The following ICA1L variants were observed in gnomAD, a reference collection of about 807,000 sequenced individuals.
The protein encoded by ICA1L is islet cell autoantigen 1 like, also known as islet cell autoantigen 1-like protein.
Under a neutral mutation model 61.3 loss-of-function variants are expected in ICA1L, and 50 were observed. The ratio of observed to expected loss-of-function variants is 0.82; its 90% CI spans 0.65 to 1.03. The LOEUF (loss-of-function observed/expected upper bound fraction) is 1.03, where lower values mean the gene tolerates loss of function less well. Ranked by LOEUF, ICA1L falls within the 50% of genes least tolerant of loss-of-function variation. ICA1L has a pLI of 0.00. For missense variants in ICA1L, 508 were observed against 556.7 expected, an observed-to-expected ratio of 0.91 and a Z score of 0.88; for synonymous variants, 161 against 191.3, an observed-to-expected ratio of 0.84 and a Z score of 1.31.
intron 1 of ICA1L, chr2:202,841,644 T>A: frequency 1.7e-6 from 1 of 597,938 alleles, no homozygotes; most frequent in Non-Finnish European, 3.2e-6. Context: ...AAGATGCTGC[T>A]GCCCACTCGG....
intron 3 of ICA1L, among the ~76,000 whole-genome samples, chr2:202,825,124 A>G (rs1265652803): frequency 6.6e-6 from 1 of 152,218 alleles, no homozygotes; most frequent in Admixed American, 6.5e-5. Flanking sequence ...CTGCAAGGGC[A>G]AGTGGGAGTC....
At chr2:202,868,969 A>AAACAAC (rs371799768) in intron 1 of ICA1L, among the ~76,000 whole-genome samples, 2 of 151,676 alleles carry the variant, frequency 1.3e-5, no homozygotes, top group African/African-American at 2.4e-5. Flanking sequence ...CTCTGTCTCA[A>AAACAAC]AACAACAACA....
At chr2:202,835,215 C>CTTTTTTTT (rs544503963) in intron 1 of ICA1L, among the ~76,000 whole-genome samples, 1 of 120,658 alleles carries the variant, frequency 8.3e-6, no homozygotes, top group African/African-American at 3.2e-5. Flanking sequence ...TGATTTCTTC[C>CTTTTTTTT]TTTTTTTTTT....
At chr2:202,833,768 T>C (rs1694074571) in intron 1 of ICA1L, among the ~76,000 whole-genome samples, 1 of 152,206 alleles carries the variant, frequency 6.6e-6, no homozygotes, top group Non-Finnish European at 1.5e-5. Flanking sequence ...GGAATACTAT[T>C]CAGCCTTTAA....
Position 202,775,570 on chromosome 2 carries a change from A to C in ICA1L, c.*3963T>G, listed in dbSNP as rs1381552623. 6.6e-6 allele frequency: 1 copy of C among 152,276 alleles called. No homozygotes were observed. Among genetic ancestry groups the C allele is most frequent in the African/African-American group, 2.4e-5 (1 of 41,472 alleles). The allele number at this position is 152,276 out of a possible 1,614,324, so 9.4% of individuals were successfully genotyped here. ...AGTCTCACTCTGTCACCCAGGCTGG[A>C]GTGCATGGCCTGATCTCAGCTCACT... On this transcript the variant is annotated 3_prime_UTR_variant, in exon 13 of 13. Coordinates refer to ENST00000358299, the MANE Select transcript of ICA1L (RefSeq NM_001288622.3).
intron 1 of ICA1L, among the ~76,000 whole-genome samples, chr2:202,850,277 G>A (rs189290983): frequency 3.4e-4 from 52 of 152,226 alleles, no homozygotes; most frequent in African/African-American, 9.4e-4. Flanking sequence ...AAAACTGGAC[G>A]GAGAATGAGT....
intron 1 of ICA1L, chr2:202,829,267 G>A: frequency 4.7e-6 from 1 of 214,002 alleles, no homozygotes; most frequent in Non-Finnish European, 9.2e-6. Context: ...AGAGAATGGC[G>A]TGAACCCGGG....
intron 1 of ICA1L, among the ~76,000 whole-genome samples, chr2:202,868,063 AG>A (rs1333085860): frequency 1.3e-5 from 2 of 152,184 alleles, no homozygotes; most frequent in African/African-American, 2.4e-5. Context: ...GTGATGAAAA[AG>A]TTTTCAAACT....
rs1408283343 is a variant in ICA1L, at chr2:202,776,956, TGAGG to T, written c.*2573_*2576del. The stretch of plus-strand genomic sequence containing the variant: ...TAACAGGGACTTCCTTGCACACATG[TGAGG>T]GAGATAAATATCTCAGAACTAATGC... On this transcript the variant is annotated 3_prime_UTR_variant, in exon 13 of 13. Coordinates refer to ENST00000358299, the MANE Select transcript of ICA1L (RefSeq NM_001288622.3). 6.6e-6 allele frequency: 1 copy of T among 150,828 alleles called. No individual in the cohort carries two copies. Among genetic ancestry groups the T allele is most frequent in the Non-Finnish European group, 1.5e-5 (1 of 67,948 alleles). 9.3% of individuals were successfully genotyped at this position (150,828 alleles called of 1,614,324 possible).
chr2:202,832,941 T>C (rs1372025686), intron 1 of ICA1L, among the ~76,000 whole-genome samples: 1 of 151,826 alleles, frequency 6.6e-6, no homozygotes, highest in Non-Finnish European at 1.5e-5. Flanking sequence ...GATAGAAAAA[T>C]ATTCAAATAA....
intron 1 of ICA1L, among the ~76,000 whole-genome samples, chr2:202,864,840 G>A (rs1380742438): frequency 6.6e-6 from 1 of 152,010 alleles, no homozygotes; most frequent in Admixed American, 6.5e-5. Context: ...CCAACATGGT[G>A]AAACTCCATC....
chr2:202,787,479 C>T (rs959086921), intron 11 of ICA1L, among the ~76,000 whole-genome samples: 5 of 152,204 alleles, frequency 3.3e-5, no homozygotes, highest in Admixed American at 6.5e-5. Context: ...GTAGCAAAAA[C>T]ATCTGAATTA....
Position 202,817,473 on chromosome 2 carries a change from T to C in ICA1L, c.629A>G (p.Asp210Gly). 5 of 1,612,064 alleles carry C rather than the reference T, an allele frequency of 3.1e-6. No homozygotes were observed. Among genetic ancestry groups the C allele is most frequent in the Non-Finnish European group, 4.2e-6 (5 of 1,178,734 alleles). ...KLKMDVCQKV[D>G]LLGASRCNML... is the part of the protein sequence containing the mutation. Reference sequence around the variant, plus strand: ...ATTGCAGCGACTAGCTCCAAGTAAATCCACTTTCTGACAAACATCCATCTT... The same window carrying C: ...ATTGCAGCGACTAGCTCCAAGTAAACCCACTTTCTGACAAACATCCATCTT... The change falls in exon 6 of 13, where the codon GAT becomes GGT. Residue 210 changes from aspartate (D) to glycine (G), a missense_variant. Coordinates refer to ENST00000358299, the MANE Select transcript of ICA1L (RefSeq NM_001288622.3).
chr2:202,847,131 G>A (rs551700903), intron 1 of ICA1L, among the ~76,000 whole-genome samples: 3 of 152,322 alleles, frequency 2.0e-5, no homozygotes, highest in Non-Finnish European at 2.9e-5. Flanking sequence ...GTTTAGCAGA[G>A]AGACTAAACA....
intron 4 of ICA1L, 192 bp from the exon 5 acceptor site, chr2:202,820,091 T>G (rs1226264682): frequency 1.7e-6 from 1 of 575,668 alleles, no homozygotes. Context: ...AAAGATGTGT[T>G]GGCCGGGCGC....
intron 1 of ICA1L, among the ~76,000 whole-genome samples, chr2:202,864,880 G>A (rs769557625): frequency 1.3e-5 from 2 of 152,022 alleles, no homozygotes; most frequent in Non-Finnish European, 2.9e-5. Context: ...TTAGCCAGGT[G>A]TGGCTGGGCA....
At chr2:202,796,862 T>G (rs879521253) in intron 10 of ICA1L, 28 bp downstream of exon 10, 2 of 1,317,642 alleles carry the variant, frequency 1.5e-6, no homozygotes, top group Non-Finnish European at 2.1e-6. Flanking sequence ...TAAAGAATCA[T>G]TCATATGTAG....
chr2:202,862,260 A>G (rs1228263818), intron 1 of ICA1L, among the ~76,000 whole-genome samples: 1 of 119,272 alleles, frequency 8.4e-6, no homozygotes, highest in Admixed American at 1.1e-4. Context: ...ACACAGTAAG[A>G]CCTCATTTCT....
chr2:202,853,471 G>A (rs889572006), intron 1 of ICA1L, among the ~76,000 whole-genome samples: 2 of 151,828 alleles, frequency 1.3e-5, no homozygotes, highest in Admixed American at 1.3e-4. Flanking sequence ...GTCTAAAACA[G>A]CAAAAGCAAT....
Sources: allele counts gnomAD v4.1 joint callset (sites outside exome capture counted in the v4.1 genomes callset), GRCh38; gene constraint gnomAD v4.1.1; transcripts MANE v1.5; gene names NCBI Gene and HGNC (gene_info 2026-07-23, HGNC 2026-07-21).